Variants in SMARCA2 observed in about 807,000 individuals in gnomAD.
The protein encoded by SMARCA2 is SWI/SNF related BAF chromatin remodeling complex subunit ATPase 2.
SMARCA2 carries 61 observed loss-of-function variants against 199.8 expected under a neutral mutation model. That is an observed-to-expected ratio of 0.31 (90% confidence interval 0.25 to 0.38). SMARCA2 has a LOEUF of 0.38. Ranked by LOEUF, SMARCA2 falls within the 10% of genes least tolerant of loss-of-function variation. SMARCA2 has a pLI of 1.00. For missense variants in SMARCA2, 1,344 were observed against 2,012.2 expected (o/e 0.67, Z 6.35); for synonymous variants, 935 against 732.0 (o/e 1.28, Z -4.48).
intron 27 of SMARCA2, among the ~76,000 whole-genome samples, chr9:2,146,675 C>T (rs10964976): frequency 0.4 from 61,204 of 152,096 alleles, 13,989 homozygotes; most frequent in Non-Finnish European, 0.51. Flanking sequence ...AGGGCTGCTG[C>T]TTGCCCATTT....
chr9:2,053,531 T>G (rs1050357545), intron 5 of SMARCA2, among the ~76,000 whole-genome samples: 10 of 152,188 alleles, frequency 6.6e-5, no homozygotes, highest in African/African-American at 2.2e-4. Context: ...AATGGGACCA[T>G]TATAACTTTT....
At chr9:2,175,288 T>C (rs1826502234) in intron 29 of SMARCA2, among the ~76,000 whole-genome samples, 1 of 151,910 alleles carries the variant, frequency 6.6e-6, no homozygotes, top group Non-Finnish European at 1.5e-5. Flanking sequence ...AAAAACATTT[T>C]TTGAAAATGC....
chr9:2,138,277 T>A (rs1824304379), intron 27 of SMARCA2, among the ~76,000 whole-genome samples: 1 of 152,216 alleles, frequency 6.6e-6, no homozygotes, highest in Admixed American at 6.5e-5. Flanking sequence ...ATTTAAAATG[T>A]GATGCTATAT....
chr9:2,186,059 G>C, intron 31 of SMARCA2, 37 bp from the exon 32 acceptor site: 1 of 1,603,928 alleles, frequency 6.2e-7, no homozygotes, highest in Non-Finnish European at 8.5e-7. Context: ...TGGTAACTCA[G>C]CTTGCAGTTT....
chr9:2,065,408 G>C (rs1397919143), intron 9 of SMARCA2, among the ~76,000 whole-genome samples: 1 of 152,164 alleles, frequency 6.6e-6, no homozygotes, highest in African/African-American at 2.4e-5. Flanking sequence ...CTTCATTGGA[G>C]TGTTCGATTT....
At chr9:2,019,083 G>T (rs1019497461) in intron 1 of SMARCA2, among the ~76,000 whole-genome samples, 1 of 152,038 alleles carries the variant, frequency 6.6e-6, no homozygotes, top group African/African-American at 2.4e-5. Flanking sequence ...ATTGTAAAGA[G>T]GGGATTTAGA....
intron 28 of SMARCA2, among the ~76,000 whole-genome samples, chr9:2,164,578 C>T (rs757184868): frequency 6.6e-6 from 1 of 152,108 alleles, no homozygotes; most frequent in Non-Finnish European, 1.5e-5. Context: ...GACTTTGAGG[C>T]TAATCAGGTA....
chr9:2,027,129 C>A (rs1045019719), intron 1 of SMARCA2, among the ~76,000 whole-genome samples: 6 of 152,138 alleles, frequency 3.9e-5, no homozygotes, highest in Non-Finnish European at 7.3e-5. Context: ...ACACTGATGA[C>A]TCTGTGGTTT....
intron 21 of SMARCA2, among the ~76,000 whole-genome samples, chr9:2,100,665 T>C (rs1368188457): frequency 6.6e-6 from 1 of 151,110 alleles, no homozygotes; most frequent in Non-Finnish European, 1.5e-5. Flanking sequence ...ACTGCGCCAC[T>C]GCACTCCAGC....
intron 27 of SMARCA2, among the ~76,000 whole-genome samples, chr9:2,155,675 G>C (rs997190186): frequency 1.5e-5 from 2 of 133,436 alleles, no homozygotes; most frequent in Non-Finnish European, 1.5e-5. Flanking sequence ...TTTTCCCTTC[G>C]TCACCCACCT....
intron 33 of SMARCA2, 79 bp downstream of exon 33, chr9:2,191,487 C>G (rs1486546653): frequency 2.7e-6 from 4 of 1,504,962 alleles, no homozygotes; most frequent in Non-Finnish European, 3.6e-6. Context: ...CATGCCCCTT[C>G]AGCCTTTTCG....
chr9:2,047,210 T>A lies in SMARCA2; in HGVS notation c.791-19T>A. 3 of 1,011,436 alleles carry A rather than the reference T, an allele frequency of 3.0e-6. No homozygotes were observed. The highest frequency in any genetic ancestry group is 8.6e-5 in the East Asian group (1 of 11,616). The allele number at this position is 1,011,436 out of a possible 1,614,324, so 62.7% of individuals were successfully genotyped here. On this transcript the variant is annotated intron_variant, in intron 4 of 33. Transcript: ENST00000349721. ...GGCGCCGTCCCGCCCGAGCTGCCCA[T>A]GTCGCTCTTGTCCCGCAGGCCCGGG...
At position 2,020,080 on chromosome 9, in the gene SMARCA2, G is replaced by T. The variant is rs148320537; in HGVS notation, c.-37+4676G>T. Among the ~76,000 whole-genome samples the T allele has an allele frequency of 3.3e-3, 497 of 152,282 alleles. 2 individuals are homozygous for T. The highest frequency in any genetic ancestry group is 4.7e-3 in the Non-Finnish European group (322 of 68,012). On this transcript the variant is annotated intron_variant, in intron 1 of 33. Transcript: ENST00000349721. ...TGTTTCTGGTCAAGATGATTTAAGG[G>T]ACGATAGGGACAAATTCTTTGGTTA...
Position 2,110,913 on chromosome 9 carries a change from G to C in SMARCA2, c.3456+496G>C, listed in dbSNP as rs1822964012. ...TTCCCCAAGGCCAAATAGTATTACA[G>C]TAGTTAACCTTTTATTTTGTGTTTT... On this transcript the variant is annotated intron_variant, in intron 24 of 33. Coordinates refer to ENST00000349721, the MANE Select transcript of SMARCA2 (RefSeq NM_003070.5). This position sits in a 1 kb window ranked among gnomAD's most constrained non-coding sequence, Gnocchi z 4.8. 6.6e-6 allele frequency among the ~76,000 whole-genome samples: 1 copy of C among 152,132 alleles called. No homozygotes were observed. The highest frequency in any genetic ancestry group is 1.5e-5 in the Non-Finnish European group (1 of 68,012).
chr9:2,058,285 T>G lies in SMARCA2; in HGVS notation c.1348-6T>G. On this transcript the variant is annotated splice_region_variant and splice_polypyrimidine_tract_variant and intron_variant, in intron 7 of 33. Transcript: ENST00000349721. ...TATCCTTTTCTTCCCTTTTTGGATC[T>G]TCTAGGAATACCTGAACAGTATTTT... The G allele has an allele frequency of 5.0e-6, 8 of 1,613,210 alleles. No individual in the cohort carries two copies. Among genetic ancestry groups the G allele is most frequent in the Non-Finnish European group, 6.8e-6 (8 of 1,179,234 alleles).
At chr9:2,187,288 C>G (rs908015199) in intron 32 of SMARCA2, among the ~76,000 whole-genome samples, 1 of 152,100 alleles carries the variant, frequency 6.6e-6, no homozygotes. Context: ...ATTTTACACC[C>G]AAGGTGCGTG....
intron 27 of SMARCA2, among the ~76,000 whole-genome samples, chr9:2,128,422 C>T (rs997811103): frequency 6.6e-6 from 1 of 152,184 alleles, no homozygotes; most frequent in African/African-American, 2.4e-5. Flanking sequence ...CCTCATGGTG[C>T]TCTTAGCTCT....
intron 31 of SMARCA2, among the ~76,000 whole-genome samples, chr9:2,182,478 C>CTTTTTTTTTTTTTTTT (rs145095906): frequency 1.0e-5 from 1 of 96,732 alleles, no homozygotes; most frequent in Non-Finnish European, 2.0e-5. Context: ...AGCTTATAGT[C>CTTTTTTTTTTTTTTTT]TTTTTTTTTT....
intron 24 of SMARCA2, among the ~76,000 whole-genome samples, chr9:2,111,547 G>C (rs1240691745): frequency 6.6e-6 from 1 of 151,062 alleles, no homozygotes; most frequent in Non-Finnish European, 1.5e-5. Flanking sequence ...TCACGTAGGA[G>C]TATGAATTCT....
Sources: allele counts gnomAD v4.1 joint callset (sites outside exome capture counted in the v4.1 genomes callset), GRCh38; gene constraint gnomAD v4.1.1; non-coding constraint Gnocchi (gnomAD v3.1); transcripts MANE v1.5; gene names NCBI Gene and HGNC (gene_info 2026-07-23, HGNC 2026-07-21).